Variants in CSK observed in about 807,000 individuals in gnomAD.
CSK encodes tyrosine-protein kinase CSK.
Under a neutral mutation model 62.3 loss-of-function variants are expected in CSK, and 7 were observed. That is an observed-to-expected ratio of 0.11 (90% CI 0.06 to 0.21). The LOEUF is 0.21. CSK is among the 10% of genes least tolerant of loss of function. The pLI is 1.00. For missense variants in CSK, 294 were observed against 613.5 expected, an observed-to-expected ratio of 0.48 and a Z score of 5.50; for synonymous variants, 237 against 246.0, an observed-to-expected ratio of 0.96 and a Z score of 0.34.
rs1323002833 is a variant in CSK, at chr15:74,782,797, A to C, written c.-66+77A>C. 1 of 152,528 alleles carries C rather than the reference A, an allele frequency of 6.6e-6. No homozygotes were observed. The highest frequency in any genetic ancestry group is 1.5e-5 in the Non-Finnish European group (1 of 68,310). The allele number at this position is 152,528 out of a possible 1,614,324, so 9.4% of individuals were successfully genotyped here. ...CGCGCGTCTAGTCTCTGTTGCTGCC[A>C]CTGTCGCGTCCACTCCCATTCCCCT... On this transcript the variant is annotated intron_variant, in intron 1 of 12. Transcript: ENST00000220003. The surrounding 1 kb of genome is among the most constrained non-coding windows in gnomAD (Gnocchi z 5.7).
intron 1 of CSK, among the ~76,000 whole-genome samples, chr15:74,783,228 A>T (rs1335949707): frequency 6.6e-6 from 1 of 152,114 alleles, no homozygotes; most frequent in Non-Finnish European, 1.5e-5. Flanking sequence ...TGAGCCTGTC[A>T]CCCTTGGCCT....
At chr15:74,801,645 C>A in intron 10 of CSK, 50 bp downstream of exon 10, 1 of 1,610,378 alleles carries the variant, frequency 6.2e-7, no homozygotes, top group Non-Finnish European at 8.5e-7. Flanking sequence ...GTACCCTGCC[C>A]TGCTATGGGA....
At chr15:74,800,298 G>A (rs1218292567) in intron 5 of CSK, 114 bp from the exon 6 acceptor site, 1 of 867,608 alleles carries the variant, frequency 1.2e-6, no homozygotes, top group Non-Finnish European at 1.9e-6. Flanking sequence ...TCCCCACTCA[G>A]TGACTCCAGG....
intron 1 of CSK, among the ~76,000 whole-genome samples, chr15:74,785,006 C>G (rs887884178): frequency 1.3e-5 from 2 of 152,216 alleles, no homozygotes; most frequent in African/African-American, 4.8e-5. Context: ...GGAAGTGAAT[C>G]TGAGCTCATT....
rs1309378640 is a variant in CSK at position 74,786,041 on chromosome 15, G to GTGTGTGTGTGTGTA, written c.-66+3323_-66+3324insTGTGTGTGTGTATG. 8.7e-4 allele frequency among the ~76,000 whole-genome samples: 104 copies of GTGTGTGTGTGTGTA among 119,154 alleles called. 3 individuals are homozygous for GTGTGTGTGTGTGTA. Among genetic ancestry groups the GTGTGTGTGTGTGTA allele is most frequent in the Admixed American group, 7.5e-3 (85 of 11,396 alleles). 78.2% of individuals were successfully genotyped at this position (119,154 alleles called of 152,430 possible). ...TGTGTGTGTGTGTGTGTGTGTGTGT[G>GTGTGTGTGTGTGTA]TGAGATGGAGTTTTGCTCTTGTTGC... On this transcript the variant is annotated intron_variant, in intron 1 of 12. Transcript: ENST00000220003.
chr15:74,794,964 C>T (rs2063682839), intron 1 of CSK, among the ~76,000 whole-genome samples: 1 of 152,190 alleles, frequency 6.6e-6, no homozygotes. Flanking sequence ...CCATCCCCTA[C>T]AGTGTCCCCT....
chr15:74,787,645 C>T (rs2063544308), intron 1 of CSK, among the ~76,000 whole-genome samples: 1 of 152,138 alleles, frequency 6.6e-6, no homozygotes, highest in African/African-American at 2.4e-5. Flanking sequence ...TAGCTGTGCA[C>T]ACACCCTCCA....
intron 1 of CSK, among the ~76,000 whole-genome samples, chr15:74,795,230 T>A (rs117618569): frequency 0.024 from 3,634 of 152,246 alleles, 125 homozygotes; most frequent in East Asian, 0.18. Context: ...AGGGAGCCTG[T>A]CTGAGCTCTG....
At chr15:74,802,120 G>A (rs1373450490) in intron 12 of CSK, 37 bp downstream of exon 12, 3 of 1,598,920 alleles carry the variant, frequency 1.9e-6, no homozygotes, top group Middle Eastern at 1.9e-4. Flanking sequence ...GGCTCTTGGA[G>A]CACCGGAGGG....
chr15:74,803,122 C>G lies in CSK; in HGVS notation c.*609C>G, dbSNP rs1205887711. ...TTCGTGTGCCGCTGCCACCCGCCCA[C>G]CCGCCTTGTGAGATGGAATTGTAAT... On this transcript the variant is annotated 3_prime_UTR_variant, in exon 13 of 13. Transcript: ENST00000220003. 6.5e-6 allele frequency: 1 copy of G among 153,424 alleles called. No individual in the cohort carries two copies. Among genetic ancestry groups the G allele is most frequent in the Non-Finnish European group, 1.5e-5 (1 of 68,646 alleles). The allele number at this position is 153,424 out of a possible 1,614,324, so 9.5% of individuals were successfully genotyped here.
chr15:74,798,406 C>T lies in CSK; in HGVS notation c.15+94C>T. 4 of 1,493,022 alleles carry T rather than the reference C, an allele frequency of 2.7e-6. No individual in the cohort carries two copies. Among genetic ancestry groups the T allele is most frequent in the Non-Finnish European group, 2.8e-6 (3 of 1,090,110 alleles). 92.5% of individuals were successfully genotyped at this position (1,493,022 alleles called of 1,614,324 possible). On this transcript the variant is annotated intron_variant, in intron 2 of 12. Coordinates refer to ENST00000220003, the MANE Select transcript of CSK (RefSeq NM_004383.3). The surrounding 1 kb of genome is among the most constrained non-coding windows in gnomAD (Gnocchi z 6.6). ...GAGAGAGGATGCAGCTTAGATCAAC[C>T]CACTCCCCTTTTTCCCAGCACTCAG... is the stretch of plus-strand genomic sequence containing the variant.
intron 1 of CSK, among the ~76,000 whole-genome samples, chr15:74,790,002 G>A (rs763960745): frequency 3.3e-5 from 5 of 152,184 alleles, no homozygotes; most frequent in South Asian, 2.1e-4. Flanking sequence ...TTCTCCACCC[G>A]GATATCCTGG....
In CSK at chr15:74,782,117, C is replaced by G. The variant is rs2063442263; in HGVS notation, c.-669C>G. On this transcript the variant is annotated 5_prime_UTR_variant, in exon 1 of 13. Transcript: ENST00000220003. The surrounding 1 kb of genome is among the most constrained non-coding windows in gnomAD (Gnocchi z 5.7). ...CGCTTCCTCTCGCCAGGCCTGCGAG[C>G]TTCCTCCCAGCGGAGCCCTGGGCGA... 6.7e-6 allele frequency: 1 copy of G among 148,268 alleles called. No individual in the cohort carries two copies. The highest frequency in any genetic ancestry group is 1.5e-5 in the Non-Finnish European group (1 of 66,150). The allele number at this position is 148,268 out of a possible 1,614,324, so 9.2% of individuals were successfully genotyped here.
chr15:74,799,591 AC>A, intron 5 of CSK, 100 bp downstream of exon 5: 1 of 1,274,540 alleles, frequency 7.8e-7, no homozygotes, highest in Non-Finnish European at 1.1e-6. Flanking sequence ...CTGCGTGGTG[AC>A]CAGCCATGTG....
intron 1 of CSK, chr15:74,788,788 G>C (rs2063565335): frequency 6.5e-6 from 1 of 154,370 alleles, no homozygotes; most frequent in Non-Finnish European, 1.5e-5. Context: ...TGAGGGACAA[G>C]AACATGACTT....
In CSK at chr15:74,798,726, A is replaced by C; in HGVS notation, c.127A>C (p.Lys43Gln). 5.0e-6 allele frequency: 8 copies of C among 1,613,292 alleles called. No homozygotes were observed. Among genetic ancestry groups the C allele is most frequent in the Non-Finnish European group, 5.9e-6 (7 of 1,179,656 alleles). The change falls in exon 3 of 13, where the codon AAG (lysine) becomes CAG (glutamine). Residue 43 changes from lysine (K) to glutamine (Q), a missense_variant and splice_region_variant. This residue lies in a region of CSK where 202 missense variants were observed against 415.7 expected (regional missense o/e 0.49). Transcript: ENST00000220003. This position sits in a 1 kb window ranked among gnomAD's most constrained non-coding sequence, Gnocchi z 6.6. ...CGTGCTCACCATTGTGGCCGTCACC[A>C]AGGTAATCAGGTGACGCCCACCCCA... is the stretch of plus-strand genomic sequence containing the variant. ...GDVLTIVAVT[K>Q]DPNWYKAKNK...
At chr15:74,799,220 C>T in intron 4 of CSK, 52 bp from the exon 5 acceptor site, 1 of 1,547,558 alleles carries the variant, frequency 6.5e-7, no homozygotes, top group African/African-American at 1.4e-5. Flanking sequence ...GAAAGGGGAG[C>T]CAGGGTCAGT....
chr15:74,789,782 CT>C (rs1567215468), intron 1 of CSK, among the ~76,000 whole-genome samples: 2 of 152,232 alleles, frequency 1.3e-5, no homozygotes, highest in African/African-American at 4.8e-5. Context: ...ACCCATCTTC[CT>C]GGAAGCCTTC....
At chr15:74,787,039 G>A (rs975959985) in intron 1 of CSK, among the ~76,000 whole-genome samples, 1 of 152,202 alleles carries the variant, frequency 6.6e-6, no homozygotes, top group African/African-American at 2.4e-5. Context: ...GCCTGGCTCA[G>A]ATGAGAGCCC....
Sources: gnomAD v4.1 joint callset for allele counts (sites outside exome capture counted in the v4.1 genomes callset) on GRCh38, gnomAD v4.1.1 for gene constraint, gnomAD v4.1.1 regional missense constraint, Gnocchi (gnomAD v3.1) non-coding constraint, MANE v1.5 for transcripts, NCBI Gene and HGNC (gene_info 2026-07-23, HGNC 2026-07-21) for gene names.